SUDS3: variants seen among roughly 807,000 people sequenced by gnomAD.
The protein encoded by SUDS3 is SIN3A corepressor complex component SDS3.
A neutral mutation model predicts 53.5 loss-of-function variants in SUDS3; 23 were observed. The observed-to-expected ratio is 0.43, with a 90% CI of 0.31 to 0.61. SUDS3 has a LOEUF of 0.61. Among genes scored for constraint, SUDS3 ranks in the 20% least tolerant of loss-of-function variants. SUDS3 has a pLI of 0.10. For synonymous variants in SUDS3, 150 were observed against 148.5 expected (o/e 1.01, Z -0.08); for missense variants, 291 against 405.9 (o/e 0.72, Z 2.43).
chr12:118,403,541 T>G, intron 10 of SUDS3, 24 bp downstream of exon 10: 1 of 1,584,196 alleles, frequency 6.3e-7, no homozygotes, highest in Non-Finnish European at 8.6e-7. Flanking sequence ...AAACCTGGAC[T>G]AGTAAGAGTC....
At chr12:118,396,513 C>A (rs116583059) in intron 6 of SUDS3, among the ~76,000 whole-genome samples, 157 of 152,306 alleles carry the variant, frequency 1.0e-3, no homozygotes, top group Non-Finnish European at 1.8e-3. Context: ...CTTGGCCCCC[C>A]CAAAGTGCTG....
intron 11 of SUDS3, 24 bp downstream of exon 11, chr12:118,411,181 T>C: frequency 6.4e-7 from 1 of 1,569,038 alleles, no homozygotes; most frequent in Non-Finnish European, 8.7e-7. Context: ...TCCCTCACCT[T>C]TAGGGAAGCA....
intron 7 of SUDS3, 57 bp downstream of exon 7, chr12:118,400,811 T>C: frequency 6.6e-7 from 1 of 1,518,738 alleles, no homozygotes; most frequent in Admixed American, 1.7e-5. Flanking sequence ...TGGAATCCTA[T>C]GTTTATCCGT....
At chr12:118,387,890 A>G (rs1408431972) in intron 4 of SUDS3, among the ~76,000 whole-genome samples, 4 of 152,184 alleles carry the variant, frequency 2.6e-5, no homozygotes, top group Non-Finnish European at 5.9e-5. Context: ...TCTCCTAGGT[A>G]AAAATGCAGA....
intron 5 of SUDS3, 133 bp from the exon 6 acceptor site, chr12:118,390,991 GAC>G (rs746322139): frequency 4.9e-6 from 5 of 1,015,756 alleles, no homozygotes; most frequent in African/African-American, 1.6e-5. Flanking sequence ...CTTGTTCTCA[GAC>G]ACACTGTTAC....
Position 118,400,769 on chromosome 12 carries a change from C to T in SUDS3, c.613+15C>T, listed in dbSNP as rs1415400079. ...ACCTGCTCCAGATATCCATTTACAT[C>T]AAGCCTTAACCGCCTTTCTTTTTTA... On this transcript the variant is annotated intron_variant, in intron 7 of 11. Coordinates refer to ENST00000543473, the MANE Select transcript of SUDS3 (RefSeq NM_022491.3). 1 of 1,610,966 alleles carries T rather than the reference C, an allele frequency of 6.2e-7. No individual in the cohort carries two copies. The highest frequency in any genetic ancestry group is 1.3e-5 in the African/African-American group (1 of 74,872).
In SUDS3 at chr12:118,401,970, G is replaced by A. The variant is rs750881164; in HGVS notation, c.676-13G>A. 6 of 1,613,878 alleles carry A rather than the reference G, an allele frequency of 3.7e-6. No individual in the cohort carries two copies. The highest frequency in any genetic ancestry group is 2.2e-5 in the East Asian group (1 of 44,872). ...ATTTTCTCTAAGATTTTTTGTTGTT[G>A]TTCTTCCTACAGCTTAAGTCACCCA... On this transcript the variant is annotated splice_polypyrimidine_tract_variant and intron_variant, in intron 8 of 11. Coordinates refer to ENST00000543473, the MANE Select transcript of SUDS3 (RefSeq NM_022491.3).
At chr12:118,398,481 G>A (rs1442475824) in intron 6 of SUDS3, among the ~76,000 whole-genome samples, 1 of 152,094 alleles carries the variant, frequency 6.6e-6, no homozygotes, top group African/African-American at 2.4e-5. Context: ...GTGTGTGTGT[G>A]TGTGTGTTTA....
chr12:118,417,478 ATTTT>A lies in SUDS3; in HGVS notation c.*3052_*3055del, dbSNP rs534621249. On this transcript the variant is annotated 3_prime_UTR_variant, in exon 12 of 12. Transcript: ENST00000543473. ...TACTAAATAAATTTCCTCCTGATTA[ATTTT>A]TTTTTTCTCATCTGGGAATTTGAAA... is the stretch of plus-strand genomic sequence containing the variant. 1 of 147,180 alleles carries A rather than the reference ATTTT, an allele frequency of 6.8e-6. No homozygotes were observed. The highest frequency in any genetic ancestry group is 1.5e-5 in the Non-Finnish European group (1 of 66,312). The allele number at this position is 147,180 out of a possible 1,614,324, so 9.1% of individuals were successfully genotyped here.
chr12:118,413,393 G>C (rs2046374740), intron 11 of SUDS3, among the ~76,000 whole-genome samples: 2 of 152,200 alleles, frequency 1.3e-5, no homozygotes, highest in South Asian at 4.1e-4. Context: ...AGAGCCAGGG[G>C]CTTTGATGTC....
intron 6 of SUDS3, among the ~76,000 whole-genome samples, chr12:118,393,829 C>G (rs1237484002): frequency 2.0e-5 from 3 of 152,018 alleles, no homozygotes; most frequent in Admixed American, 6.6e-5. Flanking sequence ...CACCACCACG[C>G]CCGGCTAATT....
intron 3 of SUDS3, among the ~76,000 whole-genome samples, chr12:118,385,125 T>G (rs73205579): frequency 0.11 from 16,032 of 151,876 alleles, 1,105 homozygotes; most frequent in Middle Eastern, 0.17. Context: ...TTTTTTTTTT[T>G]CGAGGCTGAG....
At chr12:118,400,808 CTA>C in intron 7 of SUDS3, 54 bp downstream of exon 7, 2 of 1,528,382 alleles carry the variant, frequency 1.3e-6, no homozygotes, top group Non-Finnish European at 1.8e-6. Flanking sequence ...CTGTGGAATC[CTA>C]TGTTTATCCG....
intron 7 of SUDS3, 119 bp downstream of exon 7, chr12:118,400,873 G>C: frequency 1.1e-6 from 1 of 938,474 alleles, no homozygotes; most frequent in Non-Finnish European, 1.7e-6. Context: ...ACATTTAACT[G>C]GAAAGCGTGT....
At chr12:118,410,978 A>G (rs2046354505) in intron 10 of SUDS3, 95 bp from the exon 11 acceptor site, 1 of 964,236 alleles carries the variant, frequency 1.0e-6, no homozygotes, top group African/African-American at 1.6e-5. Context: ...TTCTTTAATT[A>G]TAATTTTTGT....
chr12:118,405,423 A>G (rs954372341), intron 10 of SUDS3, among the ~76,000 whole-genome samples: 2 of 152,228 alleles, frequency 1.3e-5, no homozygotes, highest in Non-Finnish European at 2.9e-5. Flanking sequence ...GAAGAGATCC[A>G]CAATGTCTGG....
Position 118,401,924 on chromosome 12 carries a change from C to A in SUDS3, c.676-59C>A. 6.8e-6 allele frequency: 11 copies of A among 1,606,892 alleles called. No homozygotes were observed. The South Asian group carries it at 1.1e-4, about 16-fold the overall frequency. ...GTTAATCATTATGATACCTTTGACA[C>A]CTGAAGTTGCACCTGAAATGATTTT... is the stretch of plus-strand genomic sequence containing the variant. On this transcript the variant is annotated intron_variant, in intron 8 of 11. Transcript: ENST00000543473.
Position 118,376,622 on chromosome 12 carries a change from C to T in SUDS3, c.-70C>T. 1.5e-6 allele frequency: 2 copies of T among 1,375,898 alleles called. No homozygotes were observed. The highest frequency in any genetic ancestry group is 9.3e-7 in the Non-Finnish European group (1 of 1,071,184). The allele number at this position is 1,375,898 out of a possible 1,614,324, so 85.2% of individuals were successfully genotyped here. ...GGGGGCTGCCGCGGACACTGCTAGG[C>T]AGACGGCGAGTACCGAGCGCGGGTG... On this transcript the variant is annotated 5_prime_UTR_variant, in exon 1 of 12. Transcript: ENST00000543473.
At chr12:118,404,158 T>C (rs2141385650) in intron 10 of SUDS3, 1 of 152,408 alleles carries the variant, frequency 6.6e-6, no homozygotes, top group East Asian at 1.9e-4. Context: ...GTCGCCAGGC[T>C]GGAGTGCAGT....
Sources: gnomAD v4.1 joint callset for allele counts (sites outside exome capture counted in the v4.1 genomes callset) on GRCh38, gnomAD v4.1.1 for gene constraint, MANE v1.5 for transcripts, NCBI Gene and HGNC (gene_info 2026-07-23, HGNC 2026-07-21) for gene names.